The following NDST3 variants were observed in gnomAD, a reference collection of about 807,000 sequenced individuals.
NDST3 encodes bifunctional heparan sulfate N-deacetylase/N-sulfotransferase 3.
In NDST3, 58 loss-of-function variants were observed where a neutral mutation model predicts 96.1. That is an observed-to-expected ratio of 0.60 (90% CI 0.49 to 0.75). The LOEUF (loss-of-function observed/expected upper bound fraction) is 0.75, where lower values mean the gene tolerates loss of function less well. Ranked by LOEUF, NDST3 falls within the 30% of genes least tolerant of loss-of-function variation. The pLI, the probability that NDST3 is intolerant of heterozygous loss-of-function variation, is 0.00. For synonymous variants in NDST3, 333 were observed against 359.7 expected, an observed-to-expected ratio of 0.93 and a Z score of 0.84; for missense variants, 788 against 1,034.2, an observed-to-expected ratio of 0.76 and a Z score of 3.27.
At chr4:118,199,769 G>A (rs777108665) in intron 6 of NDST3, among the ~76,000 whole-genome samples, 2 of 152,088 alleles carry the variant, frequency 1.3e-5, no homozygotes, top group Non-Finnish European at 2.9e-5. Flanking sequence ...GCTTTAGAGA[G>A]GACCCCCAAG....
chr4:118,105,255 T>A lies in NDST3; in HGVS notation c.1069+150T>A, dbSNP rs1730077200. On this transcript the variant is annotated intron_variant, in intron 3 of 13. Coordinates refer to ENST00000296499, the MANE Select transcript of NDST3 (RefSeq NM_004784.3). ...TTCTATTTAACATGCTATTTTTTAA[T>A]TTTTGTAAAATATTAATGGTTTGAA... The A allele has an allele frequency of 1.4e-5, 8 of 569,122 alleles. No individual in the cohort carries two copies. In the South Asian group the frequency reaches 2.0e-4, roughly 15 times the overall value. The allele number at this position is 569,122 out of a possible 1,614,324, so 35.3% of individuals were successfully genotyped here. A position where few individuals can be genotyped will look rare whatever the true frequency, so the allele number is the denominator to read the frequency against.
intron 2 of NDST3, among the ~76,000 whole-genome samples, chr4:118,104,504 C>A (rs1446603356): frequency 6.6e-6 from 1 of 152,024 alleles, no homozygotes; most frequent in Non-Finnish European, 1.5e-5. Context: ...AATGAAAGGG[C>A]AAATTAGAGA....
intron 2 of NDST3, 179 bp downstream of exon 2, chr4:118,055,070 T>C (rs747399966): frequency 1.8e-5 from 14 of 759,692 alleles, no homozygotes; most frequent in South Asian, 1.2e-4. Flanking sequence ...TCTATCTGAA[T>C]CAAGAAAAAT....
At chr4:118,173,185 A>G (rs1391009645) in intron 6 of NDST3, among the ~76,000 whole-genome samples, 1 of 152,000 alleles carries the variant, frequency 6.6e-6, no homozygotes, top group African/African-American at 2.4e-5. Context: ...TAAGATATAT[A>G]CACATCTTAT....
chr4:118,135,613 C>T (rs1733011508), intron 4 of NDST3, among the ~76,000 whole-genome samples: 1 of 152,176 alleles, frequency 6.6e-6, no homozygotes, highest in Non-Finnish European at 1.5e-5. Context: ...AGGTCATTTG[C>T]CAAAAGCCAT....
intron 6 of NDST3, among the ~76,000 whole-genome samples, chr4:118,221,956 A>G (rs1739573616): frequency 1.3e-5 from 2 of 151,206 alleles, no homozygotes; most frequent in East Asian, 3.9e-4. Context: ...ATCTACAAGT[A>G]TAATAAAAAT....
At chr4:118,194,785 C>G (rs999902992) in intron 6 of NDST3, 7 of 418,762 alleles carry the variant, frequency 1.7e-5, no homozygotes, top group Admixed American at 3.7e-5. Context: ...GGAGCTGGCA[C>G]CGGCACCAGC....
At chr4:118,134,728 T>C (rs1732930834) in intron 4 of NDST3, among the ~76,000 whole-genome samples, 1 of 152,180 alleles carries the variant, frequency 6.6e-6, no homozygotes, top group South Asian at 2.1e-4. Context: ...AGTTCAACTA[T>C]TAAGACTATT....
At chr4:118,150,319 A>C (rs925392049) in intron 6 of NDST3, among the ~76,000 whole-genome samples, 7 of 152,176 alleles carry the variant, frequency 4.6e-5, no homozygotes, top group African/African-American at 1.7e-4. Context: ...TCAGGACATA[A>C]GCACGGGCAA....
chr4:118,087,990 G>A (rs921928906), intron 2 of NDST3, among the ~76,000 whole-genome samples: 4 of 152,108 alleles, frequency 2.6e-5, no homozygotes, highest in South Asian at 2.1e-4. Context: ...GAGTTATAAC[G>A]TTGTATCATT....
intron 2 of NDST3, among the ~76,000 whole-genome samples, chr4:118,072,100 G>C (rs908349329): frequency 6.6e-6 from 1 of 152,028 alleles, no homozygotes; most frequent in Non-Finnish European, 1.5e-5. Context: ...GTCTGTTTTA[G>C]TACCAATACC....
chr4:118,195,470 T>C (rs1326189476), intron 6 of NDST3, among the ~76,000 whole-genome samples: 1 of 152,236 alleles, frequency 6.6e-6, no homozygotes, highest in Non-Finnish European at 1.5e-5. Flanking sequence ...CTTTGCCTTC[T>C]GCCATGATTG....
chr4:118,205,798 A>G (rs1738397891), intron 6 of NDST3, among the ~76,000 whole-genome samples: 1 of 141,072 alleles, frequency 7.1e-6, no homozygotes, highest in South Asian at 2.4e-4. Context: ...TGATGACAGT[A>G]CAAATATACA....
chr4:118,210,800 G>A lies in NDST3; in HGVS notation c.1540-13691G>A, dbSNP rs529946868. 2.5e-4 allele frequency among the ~76,000 whole-genome samples: 38 copies of A among 151,802 alleles called. No individual in the cohort carries two copies. In the South Asian group the frequency reaches 7.9e-3, roughly 32 times the overall value. On this transcript the variant is annotated intron_variant, in intron 6 of 13. Coordinates refer to ENST00000296499, the MANE Select transcript of NDST3 (RefSeq NM_004784.3). ...AAAAAAAAAAAAAAAAAAAGCGGGG[G>A]GACCCTGCTCAAGAGGGTTCCTGAT...
chr4:118,230,111 T>C (rs1249809736), intron 8 of NDST3, among the ~76,000 whole-genome samples: 1 of 152,194 alleles, frequency 6.6e-6, no homozygotes, highest in African/African-American at 2.4e-5. Flanking sequence ...ATCTTGGTCC[T>C]AGAATTTACC....
At chr4:118,155,771 GTAAT>G (rs1734675033) in intron 6 of NDST3, among the ~76,000 whole-genome samples, 1 of 152,062 alleles carries the variant, frequency 6.6e-6, no homozygotes, top group African/African-American at 2.4e-5. Context: ...AGAACTTACT[GTAAT>G]TACTTGTCAC....
intron 3 of NDST3, among the ~76,000 whole-genome samples, 196 bp downstream of exon 3, chr4:118,105,301 G>T (rs1018846104): frequency 6.6e-6 from 1 of 151,928 alleles, no homozygotes; most frequent in Non-Finnish European, 1.5e-5. Flanking sequence ...ACTATCTGAT[G>T]GCCTTTCATT....
intron 1 of NDST3, among the ~76,000 whole-genome samples, chr4:118,048,573 G>C (rs901191999): frequency 2.0e-5 from 3 of 152,076 alleles, no homozygotes; most frequent in Non-Finnish European, 4.4e-5. Flanking sequence ...ATCAGGAGTG[G>C]CTATTCTTAT....
intron 2 of NDST3, among the ~76,000 whole-genome samples, chr4:118,089,768 T>G (rs1458925536): frequency 1.3e-5 from 2 of 151,874 alleles, no homozygotes; most frequent in African/African-American, 4.8e-5. Flanking sequence ...TTATAAAAGG[T>G]GACATATTTA....
Sources: gnomAD v4.1 joint callset for allele counts (sites outside exome capture counted in the v4.1 genomes callset) on GRCh38, gnomAD v4.1.1 for gene constraint, MANE v1.5 for transcripts, NCBI Gene and HGNC (gene_info 2026-07-23, HGNC 2026-07-21) for gene names.